The following PYGB variants were observed in gnomAD, a reference collection of about 807,000 sequenced individuals.
The protein encoded by PYGB is glycogen phosphorylase, brain form.
PYGB carries 82 observed loss-of-function variants against 94.3 expected under a neutral mutation model. That is an observed-to-expected ratio of 0.87 (90% CI 0.73 to 1.04). PYGB has a LOEUF of 1.04. Ranked by LOEUF, PYGB falls within the 50% of genes least tolerant of loss-of-function variation. The pLI, the probability that PYGB is intolerant of heterozygous loss-of-function variation, is 0.00. For synonymous variants in PYGB, 488 were observed against 479.1 expected (o/e 1.02, Z -0.24); for missense variants, 1,132 against 1,158.2 (o/e 0.98, Z 0.33).
At chr20:25,253,157 A>C (rs1426401969) in intron 1 of PYGB, among the ~76,000 whole-genome samples, 1 of 152,264 alleles carries the variant, frequency 6.6e-6, no homozygotes, top group African/African-American at 2.4e-5. Context: ...GCCTTGCAGA[A>C]CAAACCCTGC....
chr20:25,266,465 C>G (rs570650291), intron 2 of PYGB, among the ~76,000 whole-genome samples: 1 of 152,154 alleles, frequency 6.6e-6, no homozygotes, highest in East Asian at 1.9e-4. Flanking sequence ...ATATAGGGAT[C>G]AATCTTCATG....
At position 25,298,003 on chromosome 20, in the gene PYGB, G is replaced by A. The variant is rs199781314; in HGVS notation, c.*1481G>A. ...AAACTGATTAAACCTTTGTGGCTGT[G>A]GTTGGCTGACATGGGGTCTGTGTTT... On this transcript the variant is annotated 3_prime_UTR_variant, in exon 20 of 20. Coordinates refer to ENST00000216962, the MANE Select transcript of PYGB (RefSeq NM_002862.4). The A allele has an allele frequency of 6.7e-6, 1 of 149,638 alleles. No homozygotes were observed. The highest frequency in any genetic ancestry group is 1.5e-5 in the Non-Finnish European group (1 of 67,670). 9.3% of individuals were successfully genotyped at this position (149,638 alleles called of 1,614,324 possible). A position where few individuals can be genotyped will look rare whatever the true frequency, so the allele number is the denominator to read the frequency against.
At chr20:25,271,329 G>A in intron 3 of PYGB, 54 bp from the exon 4 acceptor site, 1 of 1,558,954 alleles carries the variant, frequency 6.4e-7, no homozygotes, top group Non-Finnish European at 8.8e-7. Flanking sequence ...GCCTCCGCAT[G>A]GGACCTTGGT....
intron 9 of PYGB, 102 bp from the exon 10 acceptor site, chr20:25,280,164 C>T: frequency 2.8e-6 from 4 of 1,420,230 alleles, no homozygotes; most frequent in Non-Finnish European, 3.9e-6. Context: ...CTGGGGTACC[C>T]AGCATCTGCC....
chr20:25,285,933 G>C (rs776157711), intron 14 of PYGB, among the ~76,000 whole-genome samples: 2 of 152,198 alleles, frequency 1.3e-5, no homozygotes, highest in African/African-American at 2.4e-5. Flanking sequence ...GTTCTTGCTT[G>C]TTCAAAACGG....
chr20:25,293,162 T>TGGGGGG (rs879307068), intron 17 of PYGB, among the ~76,000 whole-genome samples: 1 of 39,952 alleles, frequency 2.5e-5, no homozygotes. Context: ...ATGGGGGGGT[T>TGGGGGG]GGGGGGTGGC....
chr20:25,294,602 G>GT (rs1212901155), intron 18 of PYGB: 1 of 541,786 alleles, frequency 1.8e-6, no homozygotes, highest in Non-Finnish European at 3.3e-6. Flanking sequence ...AGGGGCAGCC[G>GT]TGTCCCAGCA....
At chr20:25,287,561 G>C (rs1410650605) in intron 14 of PYGB, among the ~76,000 whole-genome samples, 3 of 152,170 alleles carry the variant, frequency 2.0e-5, no homozygotes, top group Non-Finnish European at 4.4e-5. Flanking sequence ...AGGAGGGGAA[G>C]ATCACTTGAG....
At chr20:25,279,270 GC>G in intron 9 of PYGB, 121 bp downstream of exon 9, 1 of 1,093,982 alleles carries the variant, frequency 9.1e-7, no homozygotes, top group Non-Finnish European at 1.3e-6. Context: ...TGGTCATCAT[GC>G]CCAGGAGAGA....
intron 2 of PYGB, among the ~76,000 whole-genome samples, chr20:25,265,581 CTTG>C (rs1375201219): frequency 6.9e-6 from 1 of 145,882 alleles, no homozygotes; most frequent in Non-Finnish European, 1.5e-5. Flanking sequence ...TGTTTGTTTT[CTTG>C]TTGTTGAATT....
rs2088386767 is a variant in PYGB at position 25,283,341 on chromosome 20, GCCCTA to G, written c.1620+65_1620+69del. On this transcript the variant is annotated intron_variant, in intron 13 of 19. Transcript: ENST00000216962. ...CCCACAACCAGGCAGGTAGGCCCTGGCCCTAGCCCTCCTACAGGCCCAGCACAGGT... is the reference window on the plus strand; with the variant it reads ...CCCACAACCAGGCAGGTAGGCCCTGGGCCCTCCTACAGGCCCAGCACAGGT... 5 of 1,435,698 alleles carry G rather than the reference GCCCTA, an allele frequency of 3.5e-6. No homozygotes were observed. In the South Asian group the frequency reaches 5.9e-5, roughly 17 times the overall value. 88.9% of individuals were successfully genotyped at this position (1,435,698 alleles called of 1,614,324 possible). A position where few individuals can be genotyped will look rare whatever the true frequency, so the allele number is the denominator to read the frequency against.
chr20:25,282,012 C>G (rs754619793), intron 11 of PYGB, 21 bp from the exon 12 acceptor site: 19 of 1,580,076 alleles, frequency 1.2e-5, no homozygotes, highest in Non-Finnish European at 1.6e-5. Context: ...TGTGACAGTT[C>G]CCTGTTCTCT....
rs200881466 is a variant in PYGB, at chr20:25,277,263, C to T, written c.792C>T (p.Ile264=). The change falls in exon 7 of 20, where the codon ATC becomes ATT. Residue 264 remains isoleucine (I), a synonymous_variant. Coordinates refer to ENST00000216962, the MANE Select transcript of PYGB (RefSeq NM_002862.4). Reference sequence around the variant, plus strand: ...TCTTAGTCAACGTGGGAGACTACATCGAGGCGGTCCTGGACCGGAACTTGG... The same window carrying T: ...TCTTAGTCAACGTGGGAGACTACATTGAGGCGGTCCTGGACCGGAACTTGG... ...KLQDFNVGDY[I]EAVLDRNLAE... is the part of the protein sequence containing the mutation. 3.7e-5 allele frequency: 58 copies of T among 1,575,982 alleles called. No homozygotes were observed. The highest frequency in any genetic ancestry group is 1.7e-4 in the Middle Eastern group (1 of 6,012).
chr20:25,268,430 CAT>C, intron 2 of PYGB, among the ~76,000 whole-genome samples: 1 of 150,272 alleles, frequency 6.7e-6, no homozygotes, highest in Non-Finnish European at 1.5e-5. Flanking sequence ...TGTTCATAAA[CAT>C]GTATTGGGTT....
intron 6 of PYGB, among the ~76,000 whole-genome samples, chr20:25,277,032 G>A (rs1011818278): frequency 6.6e-6 from 1 of 152,020 alleles, no homozygotes; most frequent in African/African-American, 2.4e-5. Flanking sequence ...CTGGGGAGGA[G>A]TGAGGGGGAT....
intron 1 of PYGB, among the ~76,000 whole-genome samples, chr20:25,248,996 G>A (rs1225768736): frequency 6.6e-6 from 1 of 152,228 alleles, no homozygotes; most frequent in African/African-American, 2.4e-5. Flanking sequence ...CTCGAAGAAG[G>A]CTCTGTCTTA....
intron 15 of PYGB, 101 bp from the exon 16 acceptor site, chr20:25,290,380 G>C: frequency 2.1e-6 from 3 of 1,450,740 alleles, no homozygotes; most frequent in East Asian, 4.6e-5. Context: ...AGGTTCCTGT[G>C]GCTCTAGCCT....
chr20:25,269,614 G>A (rs1472836436), intron 3 of PYGB, among the ~76,000 whole-genome samples: 1 of 152,142 alleles, frequency 6.6e-6, no homozygotes, highest in South Asian at 2.1e-4. Context: ...GAAATAACAG[G>A]GCTTTGAGGG....
chr20:25,276,618 C>T (rs752202277), intron 5 of PYGB, 28 bp from the exon 6 acceptor site: 19 of 1,596,452 alleles, frequency 1.2e-5, no homozygotes, highest in African/African-American at 8.1e-5. Context: ...CTTGCCACTC[C>T]GTCCTGAGCA....
Sources: allele counts gnomAD v4.1 joint callset (sites outside exome capture counted in the v4.1 genomes callset), GRCh38; gene constraint gnomAD v4.1.1; transcripts MANE v1.5; gene names NCBI Gene and HGNC (gene_info 2026-07-23, HGNC 2026-07-21).